PDSS2: variants seen among roughly 807,000 people sequenced by gnomAD.
PDSS2 encodes decaprenyl diphosphate synthase subunit 2, also known as all trans-polyprenyl-diphosphate synthase PDSS2.
PDSS2 carries 31 observed loss-of-function variants against 44.5 expected under a neutral mutation model. The ratio of observed to expected loss-of-function variants is 0.70; its 90% CI spans 0.52 to 0.94. PDSS2 has a LOEUF of 0.94. Among genes scored for constraint, PDSS2 ranks in the 40% least tolerant of loss-of-function variants. The pLI is 0.00. For missense variants in PDSS2, 452 were observed against 482.2 expected, an observed-to-expected ratio of 0.94 and a Z score of 0.59; for synonymous variants, 157 against 180.3, an observed-to-expected ratio of 0.87 and a Z score of 1.03.
intron 7 of PDSS2, among the ~76,000 whole-genome samples, chr6:107,193,399 T>A (rs1772447721): frequency 6.6e-6 from 1 of 152,222 alleles, no homozygotes. Flanking sequence ...CTACTTATTA[T>A]CTGATGGCCC....
chr6:107,272,710 G>A (rs1025039258), intron 3 of PDSS2, among the ~76,000 whole-genome samples: 3 of 152,068 alleles, frequency 2.0e-5, no homozygotes, highest in Non-Finnish European at 4.4e-5. Flanking sequence ...GTGGCCAGGC[G>A]TGGTGGCTCA....
At chr6:107,292,638 T>C (rs1035703286) in intron 2 of PDSS2, among the ~76,000 whole-genome samples, 1 of 152,256 alleles carries the variant, frequency 6.6e-6, no homozygotes, top group Non-Finnish European at 1.5e-5. Flanking sequence ...AGTACTTTAA[T>C]AAAGAATAAC....
rs962327720 is a variant in PDSS2 at position 107,391,834 on chromosome 6, G to GA, written c.297-57503dup. Among the ~76,000 whole-genome samples, 3 of 144,310 alleles carry GA rather than the reference G, an allele frequency of 2.1e-5. No homozygotes were observed. The East Asian group carries it at 5.9e-4, about 28-fold the overall frequency. The allele number at this position is 144,310 out of a possible 152,430, so 94.7% of individuals were successfully genotyped here. ...ACTTTTTGAATGCTTCATAGATTTT[G>GA]AAAAAAAAGATACATGCTCATTTTT... On this transcript the variant is annotated intron_variant, in intron 1 of 7. Transcript: ENST00000369037.
intron 4 of PDSS2, among the ~76,000 whole-genome samples, chr6:107,233,506 C>G (rs184269633): frequency 6.6e-6 from 1 of 152,098 alleles, no homozygotes; most frequent in Non-Finnish European, 1.5e-5. Context: ...TGATAACAAA[C>G]AATTTAATTA....
intron 3 of PDSS2, among the ~76,000 whole-genome samples, chr6:107,253,718 T>TA (rs977479295): frequency 1.3e-5 from 2 of 152,170 alleles, no homozygotes; most frequent in South Asian, 4.1e-4. Flanking sequence ...AAAAGAGTAA[T>TA]AAAAAAACTG....
chr6:107,345,084 C>T (rs1778198197), intron 1 of PDSS2, among the ~76,000 whole-genome samples: 1 of 151,834 alleles, frequency 6.6e-6, no homozygotes, highest in Non-Finnish European at 1.5e-5. Flanking sequence ...CATTACACTA[C>T]ACAACACACA....
intron 7 of PDSS2, among the ~76,000 whole-genome samples, chr6:107,188,037 T>C (rs894207053): frequency 6.6e-6 from 1 of 152,160 alleles, no homozygotes; most frequent in Non-Finnish European, 1.5e-5. Flanking sequence ...GGCAGTCGTG[T>C]TCATGATGGT....
chr6:107,375,068 T>C lies in PDSS2; in HGVS notation c.297-40736A>G, dbSNP rs79553863. 1.2e-3 allele frequency among the ~76,000 whole-genome samples: 175 copies of C among 152,084 alleles called. 2 individuals are homozygous for C. The highest frequency in any genetic ancestry group is 3.8e-3 in the African/African-American group (157 of 41,532). On this transcript the variant is annotated intron_variant, in intron 1 of 7. Coordinates refer to ENST00000369037, the MANE Select transcript of PDSS2 (RefSeq NM_020381.4). ...TAAATTGAATGAAAGTAAATAAAAA[T>C]ATAATAATCAAAACATCAAAATTTC...
chr6:107,314,635 C>T (rs1446313681), intron 2 of PDSS2, among the ~76,000 whole-genome samples: 2 of 152,200 alleles, frequency 1.3e-5, no homozygotes, highest in African/African-American at 4.8e-5. Context: ...ATTAGATATA[C>T]AGTGGCAGCA....
rs1007187485 is a variant in PDSS2 at position 107,220,567 on chromosome 6, GAAT to G, written c.703-8288_703-8286del. Among the ~76,000 whole-genome samples the G allele has an allele frequency of 6.6e-4, 93 of 141,962 alleles. 1 individual carries two copies. Among genetic ancestry groups the G allele is most frequent in the African/African-American group, 2.2e-3 (88 of 40,274 alleles). The allele number at this position is 141,962 out of a possible 152,430, so 93.1% of individuals were successfully genotyped here. A position where few individuals can be genotyped will look rare whatever the true frequency, so the allele number is the denominator to read the frequency against. On this transcript the variant is annotated intron_variant, in intron 4 of 7. Coordinates refer to ENST00000369037, the MANE Select transcript of PDSS2 (RefSeq NM_020381.4). ...AGAATGTATAGATAATTCTATTTCAGAATAATTGAAAGATCTCTAAAATCAAAG... is the reference window on the plus strand; with the variant it reads ...AGAATGTATAGATAATTCTATTTCAGAATTGAAAGATCTCTAAAATCAAAG...
At chr6:107,454,715 C>T (rs752574245) in intron 1 of PDSS2, among the ~76,000 whole-genome samples, 26 of 151,774 alleles carry the variant, frequency 1.7e-4, no homozygotes, top group Non-Finnish European at 3.5e-4. Context: ...TGATTCACCC[C>T]TAACATACCA....
At chr6:107,176,684 G>GC (rs777885479) in intron 7 of PDSS2, among the ~76,000 whole-genome samples, 9 of 152,028 alleles carry the variant, frequency 5.9e-5, no homozygotes, top group Non-Finnish European at 1.2e-4. Flanking sequence ...TGAACACAAC[G>GC]CAACAGCTCA....
At chr6:107,316,311 T>C (rs1777195492) in intron 2 of PDSS2, among the ~76,000 whole-genome samples, 1 of 152,226 alleles carries the variant, frequency 6.6e-6, no homozygotes, top group Non-Finnish European at 1.5e-5. Context: ...GTATCTTATA[T>C]GTCTAGTATG....
At chr6:107,338,182 C>A (rs1000050414) in intron 1 of PDSS2, among the ~76,000 whole-genome samples, 1 of 152,012 alleles carries the variant, frequency 6.6e-6, no homozygotes, top group African/African-American at 2.4e-5. Flanking sequence ...AAATAAAAAA[C>A]AAACAAACAA....
intron 4 of PDSS2, among the ~76,000 whole-genome samples, chr6:107,222,933 C>G (rs2114688883): frequency 6.6e-6 from 1 of 151,782 alleles, no homozygotes; most frequent in South Asian, 2.1e-4. Context: ...AAGTGACACC[C>G]TGTCTCTACA....
At chr6:107,185,158 A>G (rs1230049698) in intron 7 of PDSS2, among the ~76,000 whole-genome samples, 1 of 145,676 alleles carries the variant, frequency 6.9e-6, no homozygotes, top group Non-Finnish European at 1.5e-5. Flanking sequence ...AAGAAGAAGG[A>G]GAAGGAGAAG....
At chr6:107,404,523 C>G (rs1780245243) in intron 1 of PDSS2, among the ~76,000 whole-genome samples, 1 of 152,214 alleles carries the variant, frequency 6.6e-6, no homozygotes, top group South Asian at 2.1e-4. Context: ...AACAGACTCA[C>G]AGTTCCACAT....
intron 2 of PDSS2, among the ~76,000 whole-genome samples, chr6:107,324,984 T>C (rs1777494161): frequency 6.6e-6 from 1 of 152,088 alleles, no homozygotes; most frequent in African/African-American, 2.4e-5. Flanking sequence ...CACATTAAAA[T>C]GATAAATTAT....
At chr6:107,231,631 A>G (rs936217511) in intron 4 of PDSS2, among the ~76,000 whole-genome samples, 1 of 152,190 alleles carries the variant, frequency 6.6e-6, no homozygotes, top group Non-Finnish European at 1.5e-5. Flanking sequence ...ACTATTTTAA[A>G]TCCAAATTCC....
Sources: allele counts gnomAD v4.1 joint callset (sites outside exome capture counted in the v4.1 genomes callset), GRCh38; gene constraint gnomAD v4.1.1; transcripts MANE v1.5; gene names NCBI Gene and HGNC (gene_info 2026-07-23, HGNC 2026-07-21).